Variants in SLC12A3 observed in about 807,000 individuals in gnomAD.
SLC12A3 encodes the protein Na-Cl cotransporter.
Under a neutral mutation model 121.0 loss-of-function variants are expected in SLC12A3, and 104 were observed. The ratio of observed to expected loss-of-function variants is 0.86; its 90% confidence interval spans 0.73 to 1.01. SLC12A3 has a LOEUF of 1.01. Among genes scored for constraint, SLC12A3 ranks in the 50% least tolerant of loss-of-function variants. SLC12A3 has a pLI of 0.00. For synonymous variants in SLC12A3, 536 were observed against 533.4 expected, an observed-to-expected ratio of 1.00 and a Z score of -0.07; for missense variants, 1,328 against 1,356.3, an observed-to-expected ratio of 0.98 and a Z score of 0.33.
At position 56,913,460 on chromosome 16, in the gene SLC12A3, C is replaced by A; in HGVS notation, c.*55C>A. On this transcript the variant is annotated 3_prime_UTR_variant, in exon 26 of 26. Coordinates refer to ENST00000563236, the MANE Select transcript of SLC12A3 (RefSeq NM_001126108.2). ...TCTGAGTGTGTGGGATAAGTTGGAACTTGATTGCCTCTAGTCCACAGGGAT... is the reference window on the plus strand; with the variant it reads ...TCTGAGTGTGTGGGATAAGTTGGAAATTGATTGCCTCTAGTCCACAGGGAT... 2.6e-6 allele frequency: 4 copies of A among 1,559,358 alleles called. No homozygotes were observed. In the East Asian group the frequency reaches 9.0e-5, roughly 35 times the overall value.
At chr16:56,892,335 G>A (rs151109166) in intron 20 of SLC12A3, among the ~76,000 whole-genome samples, 5 of 152,294 alleles carry the variant, frequency 3.3e-5, no homozygotes, top group East Asian at 3.9e-4. Flanking sequence ...GCAGCCAGGC[G>A]CAGTGGCTCA....
chr16:56,869,860 C>T (rs752296247), intron 4 of SLC12A3, 36 bp downstream of exon 4: 115 of 1,556,690 alleles, frequency 7.4e-5, no homozygotes, highest in Non-Finnish European at 9.5e-5. Context: ...GCCCTCCTCT[C>T]GTGGGCTCCT....
At chr16:56,885,124 C>T in intron 14 of SLC12A3, 141 bp from the exon 15 acceptor site, 1 of 697,848 alleles carries the variant, frequency 1.4e-6, no homozygotes, top group Non-Finnish European at 2.6e-6. Flanking sequence ...ACCTTGCAGG[C>T]TGCCCATCCC....
chr16:56,878,037 T>TGCCAA, intron 8 of SLC12A3, 40 bp from the exon 9 acceptor site: 4 of 421,392 alleles, frequency 9.5e-6, no homozygotes, highest in Admixed American at 3.2e-5. Flanking sequence ...CCTCCCTCTC[T>TGCCAA]CCCTCCCTCC....
At chr16:56,903,351 G>T (rs868780829) in intron 24 of SLC12A3, among the ~76,000 whole-genome samples, 1 of 152,114 alleles carries the variant, frequency 6.6e-6, no homozygotes, top group Non-Finnish European at 1.5e-5. Context: ...CTAGGAGTGC[G>T]AGCGAGAGCG....
intron 23 of SLC12A3, among the ~76,000 whole-genome samples, chr16:56,900,744 T>C (rs2055527141): frequency 6.6e-6 from 1 of 152,148 alleles, no homozygotes; most frequent in South Asian, 2.1e-4. Context: ...TTGGCCAGGC[T>C]GGTCTCAAAC....
chr16:56,878,605 G>T (rs11076171), intron 9 of SLC12A3, among the ~76,000 whole-genome samples: 10,839 of 152,176 alleles, frequency 0.071, 525 homozygotes, highest in Middle Eastern at 0.099. Context: ...TAAGTGACCT[G>T]CCCAGGGTCA....
chr16:56,897,621 A>G (rs370783767), intron 22 of SLC12A3, among the ~76,000 whole-genome samples: 1 of 152,212 alleles, frequency 6.6e-6, no homozygotes, highest in East Asian at 1.9e-4. Context: ...CAAAAAGTAA[A>G]TAAGATACGA....
At chr16:56,891,448 G>C (rs1265286522) in intron 19 of SLC12A3, among the ~76,000 whole-genome samples, 1 of 151,346 alleles carries the variant, frequency 6.6e-6, no homozygotes, top group Admixed American at 6.6e-5. Context: ...ATGAGAGGCA[G>C]TGCTGGAGAG....
chr16:56,913,634 C>G lies in SLC12A3; in HGVS notation c.*229C>G. The G allele has an allele frequency of 1.7e-6, 1 of 588,418 alleles. No individual in the cohort carries two copies. Among genetic ancestry groups the G allele is most frequent in the Non-Finnish European group, 3.0e-6 (1 of 328,846 alleles). The allele number at this position is 588,418 out of a possible 1,614,324, so 36.4% of individuals were successfully genotyped here. A position where few individuals can be genotyped will look rare whatever the true frequency, so the allele number is the denominator to read the frequency against. On this transcript the variant is annotated 3_prime_UTR_variant, in exon 26 of 26. Transcript: ENST00000563236. ...TAGGCTAGAGAAATAGCAGATGGAG[C>G]TGCAAGGAAAACTCTCTAAAGCATC...
At chr16:56,892,298 G>C (rs1019828564) in intron 20 of SLC12A3, 165 bp downstream of exon 20, 45 of 688,864 alleles carry the variant, frequency 6.5e-5, no homozygotes, top group Non-Finnish European at 1.1e-4. Context: ...GGGAACTGGA[G>C]GGGCTTGGCC....
intron 23 of SLC12A3, 115 bp downstream of exon 23, chr16:56,899,731 C>A (rs182212449): frequency 4.8e-5 from 38 of 795,522 alleles, no homozygotes; most frequent in African/African-American, 8.4e-5. Flanking sequence ...CTCCTCCAAG[C>A]CCTTCCTAGA....
At chr16:56,904,178 C>T in intron 24 of SLC12A3, 3 of 532,736 alleles carry the variant, frequency 5.6e-6, no homozygotes, top group Non-Finnish European at 7.0e-6. Context: ...AAGGAAAAGC[C>T]ACAGAATGCT....
chr16:56,891,406 A>G (rs2055387232), intron 19 of SLC12A3, among the ~76,000 whole-genome samples: 1 of 147,804 alleles, frequency 6.8e-6, no homozygotes, highest in African/African-American at 2.5e-5. Flanking sequence ...AAATATCTAG[A>G]GGTGTGAAAG....
At chr16:56,902,318 C>A (rs2055548100) in intron 23 of SLC12A3, 55 bp from the exon 24 acceptor site, 1 of 1,612,802 alleles carries the variant, frequency 6.2e-7, no homozygotes, top group South Asian at 1.1e-5. Context: ...GACCTGGCAC[C>A]CCTAGAAATG....
intron 25 of SLC12A3, chr16:56,906,578 C>T (rs1018029562): frequency 3.5e-6 from 1 of 283,608 alleles, no homozygotes; most frequent in Non-Finnish European, 6.7e-6. Context: ...TCGTGACCAA[C>T]TGACTACTTC....
intron 13 of SLC12A3, 80 bp downstream of exon 13, chr16:56,882,577 C>G (rs1161017613): frequency 9.2e-7 from 1 of 1,091,626 alleles, no homozygotes; most frequent in African/African-American, 1.5e-5. Flanking sequence ...GAGTGGGAGG[C>G]ATGGGTGGAG....
In SLC12A3 at chr16:56,894,565, C is replaced by A; in HGVS notation, c.2556C>A (p.Arg852=). Residue 852 remains arginine (R), a synonymous_variant, in exon 22 of 26, where the codon CGC becomes CGA. Coordinates refer to ENST00000563236, the MANE Select transcript of SLC12A3 (RefSeq NM_001126108.2). ...TCCTCATTCCCTATCTCCTTGGCCG[C>A]AAGAGGAGGTGGAGCAAATGCAAGA... is the stretch of plus-strand genomic sequence containing the variant. ...LTLLIPYLLG[R]KRRWSKCKIR... is the part of the protein sequence containing the mutation. 1 of 1,614,022 alleles carries A rather than the reference C, an allele frequency of 6.2e-7. No homozygotes were observed. Among genetic ancestry groups the A allele is most frequent in the Non-Finnish European group, 8.5e-7 (1 of 1,179,974 alleles).
chr16:56,885,276 G>A lies in SLC12A3; in HGVS notation c.1837G>A (p.Gly613Ser), dbSNP rs1222807128. Reference protein sequence around the residue: ...VIYKKPEVNWGSSVQAGSYNL... With the variant: ...VIYKKPEVNWSSSVQAGSYNL... ...CCTTGCTCTCCCAGAGGTAAATTGG[G>A]GCTCCTCGGTACAGGCTGGCTCCTA... is the stretch of plus-strand genomic sequence containing the variant. The change falls in exon 15 of 26, where the codon GGC (glycine) becomes AGC (serine). Residue 613 changes from glycine (G) to serine (S), a missense_variant. Coordinates refer to ENST00000563236, the MANE Select transcript of SLC12A3 (RefSeq NM_001126108.2). 5 of 1,552,234 alleles carry A rather than the reference G, an allele frequency of 3.2e-6. No individual in the cohort carries two copies. Among genetic ancestry groups the A allele is most frequent in the Non-Finnish European group, 3.5e-6 (4 of 1,147,150 alleles).
Sources: allele counts gnomAD v4.1 joint callset (sites outside exome capture counted in the v4.1 genomes callset), GRCh38; gene constraint gnomAD v4.1.1; transcripts MANE v1.5; gene names NCBI Gene and HGNC (gene_info 2026-07-23, HGNC 2026-07-21).